NEURL4: variants seen among roughly 807,000 people sequenced by gnomAD.
The protein encoded by NEURL4 is neuralized-like protein 4.
NEURL4 carries 45 observed loss-of-function variants against 148.0 expected under a neutral mutation model. That is an observed-to-expected ratio of 0.30 (90% CI 0.24 to 0.39). NEURL4 has a LOEUF of 0.39. Ranked by LOEUF, NEURL4 falls within the 10% of genes least tolerant of loss-of-function variation. The probability of loss-of-function intolerance (pLI) is 1.00; values close to 1 mark genes in which losing one functional copy is unlikely to be tolerated. For synonymous variants in NEURL4, 854 were observed against 869.0 expected, an observed-to-expected ratio of 0.98 and a Z score of 0.30; for missense variants, 1,776 against 2,144.0, an observed-to-expected ratio of 0.83 and a Z score of 3.39.
In NEURL4 at chr17:7,327,133, T is replaced by C; in HGVS notation, c.793+32A>G. 1 of 1,608,666 alleles carries C rather than the reference T, an allele frequency of 6.2e-7. No individual in the cohort carries two copies. The stretch of plus-strand genomic sequence containing the variant: ...CTCCCTTGTCCACCTCACTTCCCAC[T>C]CCCCTTCCCAGGGCCTCCCCAAAGC... On this transcript the variant is annotated intron_variant, in intron 3 of 28. Coordinates refer to ENST00000399464, the MANE Select transcript of NEURL4 (RefSeq NM_032442.3). The surrounding 1 kb of genome is among the most constrained non-coding windows in gnomAD (Gnocchi z 6.6).
intron 14 of NEURL4, 112 bp from the exon 15 acceptor site, chr17:7,323,235 C>T: frequency 8.2e-7 from 1 of 1,223,528 alleles, no homozygotes; most frequent in Non-Finnish European, 1.2e-6. Context: ...GTGTCTTGAT[C>T]TGGGTGTAAG....
chr17:7,326,145 C>T lies in NEURL4; in HGVS notation c.1293+110G>A. 2.0e-6 allele frequency: 2 copies of T among 1,003,942 alleles called. No individual in the cohort carries two copies. Among genetic ancestry groups the T allele is most frequent in the East Asian group, 2.6e-5 (1 of 38,366 alleles). 62.2% of individuals were successfully genotyped at this position (1,003,942 alleles called of 1,614,324 possible). A position where few individuals can be genotyped will look rare whatever the true frequency, so the allele number is the denominator to read the frequency against. ...GGAAGGAACCTTTAGGTGGAAGATA[C>T]AGGGACTGCCTCTAGGTCACATAGG... On this transcript the variant is annotated intron_variant, in intron 6 of 28. Coordinates refer to ENST00000399464, the MANE Select transcript of NEURL4 (RefSeq NM_032442.3). The surrounding 1 kb of genome is among the most constrained non-coding windows in gnomAD (Gnocchi z 6.0).
rs145900596 is a variant in NEURL4 at position 7,321,200 on chromosome 17, T to C, written c.3272A>G (p.Glu1091Gly). Residue 1091 changes from glutamate (E) to glycine (G), a missense_variant, in exon 20 of 29, where the codon GAG (glutamate) becomes GGG (glycine). By Grantham distance (98) the Glu-to-Gly change is moderately conservative. Transcript: ENST00000399464. The surrounding 1 kb of genome is among the most constrained non-coding windows in gnomAD (Gnocchi z 6.3). ...GGAAGGAGGCTGGGTGCCTTCTGAC[T>C]CCTCCAGTCTCGTGGAACTGACAAT... Reference protein sequence around the residue: ...VSIVSSTRLEESEGTQPPSPS... With the variant: ...VSIVSSTRLEGSEGTQPPSPS... The C allele has an allele frequency of 3.1e-6, 5 of 1,613,646 alleles. No individual in the cohort carries two copies. Among genetic ancestry groups the C allele is most frequent in the Non-Finnish European group, 4.2e-6 (5 of 1,179,998 alleles).
Position 7,324,270 on chromosome 17 carries a change from C to T in NEURL4, c.1900G>A (p.Ala634Thr). ...CGTACCACGCCCACCGTGTCCCCTG[C>T]CTTGGAAGAAGGGGGTGCTGGAGTG... Reference protein sequence around the residue: ...EYGHNLDRLKAGDTVGVVRRE... With the variant: ...EYGHNLDRLKTGDTVGVVRRE... The change falls in exon 11 of 29, where the codon GCA (alanine) becomes ACA (threonine). Residue 634 changes from alanine (A) to threonine (T), a missense_variant and splice_region_variant. Physicochemically the swap from Ala to Thr is moderately conservative, Grantham distance 58. Transcript: ENST00000399464. This position sits in a 1 kb window ranked among gnomAD's most constrained non-coding sequence, Gnocchi z 5.9. 1 of 1,613,886 alleles carries T rather than the reference C, an allele frequency of 6.2e-7. No homozygotes were observed. Among genetic ancestry groups the T allele is most frequent in the Non-Finnish European group, 8.5e-7 (1 of 1,179,894 alleles).
At position 7,327,401 on chromosome 17, in the gene NEURL4, G is replaced by T; in HGVS notation, c.727+39C>A. The T allele has an allele frequency of 6.7e-7, 1 of 1,501,552 alleles. No homozygotes were observed. 93.0% of individuals were successfully genotyped at this position (1,501,552 alleles called of 1,614,324 possible). Reference sequence around the variant, plus strand: ...CTTGTCACTCTATTTCCCCCATTCCGTCCCCACCCCACCACCACTGCCCTA... The same window carrying T: ...CTTGTCACTCTATTTCCCCCATTCCTTCCCCACCCCACCACCACTGCCCTA... On this transcript the variant is annotated intron_variant, in intron 2 of 28. Transcript: ENST00000399464. The surrounding 1 kb of genome is among the most constrained non-coding windows in gnomAD (Gnocchi z 6.6).
Position 7,321,536 on chromosome 17 carries a change from T to G in NEURL4, c.3099+24A>C. 6.2e-7 allele frequency: 1 copy of G among 1,613,138 alleles called. No individual in the cohort carries two copies. Among genetic ancestry groups the G allele is most frequent in the Non-Finnish European group, 8.5e-7 (1 of 1,179,342 alleles). The stretch of plus-strand genomic sequence containing the variant: ...CCACCTCCACTCCCAACCCCTCCCC[T>G]GTCCCTGGAGCCAGCCACTTCACCC... On this transcript the variant is annotated intron_variant, in intron 18 of 28. Coordinates refer to ENST00000399464, the MANE Select transcript of NEURL4 (RefSeq NM_032442.3). This position sits in a 1 kb window ranked among gnomAD's most constrained non-coding sequence, Gnocchi z 6.3.
Position 7,324,942 on chromosome 17 carries a change from C to T in NEURL4, c.1670G>A (p.Ser557Asn), listed in dbSNP as rs1192979602. The T allele has an allele frequency of 4.3e-6, 7 of 1,614,208 alleles. No homozygotes were observed. In the South Asian group the frequency reaches 4.4e-5, roughly 10 times the overall value. The change falls in exon 9 of 29, where the codon AGC becomes AAC. Residue 557 changes from serine to asparagine, a missense_variant. Ser to Asn is a conservative substitution (Grantham distance 46). Transcript: ENST00000399464. The surrounding 1 kb of genome is among the most constrained non-coding windows in gnomAD (Gnocchi z 5.9). ...DDFNHGVVLS[S>N]RALRDGEVFQ... Reference sequence around the variant, plus strand: ...CACCTCTCCATCCCGCAGGGCTCTGCTGCTCAGCACCACGCCGTGATTGAA... The same window carrying T: ...CACCTCTCCATCCCGCAGGGCTCTGTTGCTCAGCACCACGCCGTGATTGAA...
At position 7,318,653 on chromosome 17, in the gene NEURL4, T is replaced by G. The variant is rs374635885; in HGVS notation, c.3706A>C (p.Asn1236His). ...GTGCCTTCAGGGCACGTGTCCAGAT[T>G]GGGCCCAAACTTCTCGCAGATCTGG... ...GLKICEKFGPNLDTCPEGTIL... is the reference protein window; with the variant it reads ...GLKICEKFGPHLDTCPEGTIL... The change falls in exon 23 of 29, where the codon AAT (asparagine) becomes CAT (histidine). Residue 1236 changes from asparagine (N) to histidine (H), a missense_variant. Asn to His is a moderately conservative substitution (Grantham distance 68). Transcript: ENST00000399464. This position sits in a 1 kb window ranked among gnomAD's most constrained non-coding sequence, Gnocchi z 4.3. 1 of 1,610,882 alleles carries G rather than the reference T, an allele frequency of 6.2e-7. No homozygotes were observed.
Position 7,318,559 on chromosome 17 carries a change from A to T in NEURL4, c.3800T>A (p.Val1267Glu). 6.2e-7 allele frequency: 1 copy of T among 1,613,390 alleles called. No individual in the cohort carries two copies. Among genetic ancestry groups the T allele is most frequent in the Non-Finnish European group, 8.5e-7 (1 of 1,179,766 alleles). The change falls in exon 23 of 29, where the codon GTA becomes GAA. Residue 1267 changes from valine (V) to glutamate (E), a missense_variant. Physicochemically the swap from Val to Glu is moderately radical, Grantham distance 121. Coordinates refer to ENST00000399464, the MANE Select transcript of NEURL4 (RefSeq NM_032442.3). The surrounding 1 kb of genome is among the most constrained non-coding windows in gnomAD (Gnocchi z 4.3). ...GGGCTGGGGCACATCTGGCACAGCT[A>T]CCCCCTGGTCCACCCCATTAACATG... ...HLHVNGVDQG[V>E]AVPDVPQPCH...
rs776071148 is a variant in NEURL4 at position 7,323,988 on chromosome 17, A to G, written c.2087T>C (p.Leu696Pro). ...AGACACCTGGTTGTTCCCCTCAGGG[A>G]GTGGTTCAGGAACTGGAGCCACCTC... ...DVEVAPVPEP[L>P]PEGNNQVSPS... Residue 696 changes from leucine to proline, a missense_variant, in exon 12 of 29, where the codon CTC (leucine) becomes CCC (proline). Transcript: ENST00000399464. 23 of 1,610,740 alleles carry G rather than the reference A, an allele frequency of 1.4e-5. No homozygotes were observed. In the East Asian group the frequency reaches 2.7e-4, roughly 19 times the overall value.
Position 7,322,082 on chromosome 17 carries a change from C to T in NEURL4, c.2726-72G>A, listed in dbSNP as rs2073041915. 2 of 1,503,506 alleles carry T rather than the reference C, an allele frequency of 1.3e-6. No homozygotes were observed. The highest frequency in any genetic ancestry group is 2.8e-5 in the African/African-American group (2 of 71,850). The allele number at this position is 1,503,506 out of a possible 1,614,324, so 93.1% of individuals were successfully genotyped here. On this transcript the variant is annotated intron_variant, in intron 16 of 28. Transcript: ENST00000399464. The surrounding 1 kb of genome is among the most constrained non-coding windows in gnomAD (Gnocchi z 5.5). ...GCTTCAGGCAGAACACAGAGCAAAGCTTTCAGATGAAACGAAATGGGGATG... is the reference window on the plus strand; with the variant it reads ...GCTTCAGGCAGAACACAGAGCAAAGTTTTCAGATGAAACGAAATGGGGATG...
chr17:7,323,309 AAGG>A (rs1318027926), intron 14 of NEURL4, among the ~76,000 whole-genome samples, 173 bp downstream of exon 14: 1 of 152,182 alleles, frequency 6.6e-6, no homozygotes, highest in Non-Finnish European at 1.5e-5. Flanking sequence ...GCCTAAGATG[AAGG>A]AGGACTGAGC....
At position 7,324,460 on chromosome 17, in the gene NEURL4, T is replaced by C. The variant is rs775589062; in HGVS notation, c.1834A>G (p.Asn612Asp). The change falls in exon 10 of 29, where the codon AAT becomes GAT. Residue 612 changes from asparagine to aspartate, a missense_variant. Transcript: ENST00000399464. The surrounding 1 kb of genome is among the most constrained non-coding windows in gnomAD (Gnocchi z 5.9). Reference sequence around the variant, plus strand: ...GTCGTCCCATTGTGCATCACCCCATTCCCAGTCATCATCCAGGTCCCTGGG... The same window carrying C: ...GTCGTCCCATTGTGCATCACCCCATCCCCAGTCATCATCCAGGTCCCTGGG... ...LRSGTWMMTG[N>D]GVMHNGTTIL... 6.2e-7 allele frequency: 1 copy of C among 1,614,014 alleles called. No homozygotes were observed. The highest frequency in any genetic ancestry group is 1.1e-5 in the South Asian group (1 of 91,072).
Position 7,321,956 on chromosome 17 carries a change from T to C in NEURL4, c.2780A>G (p.Glu927Gly). The change falls in exon 17 of 29, where the codon GAG (glutamate) becomes GGG (glycine). Residue 927 changes from glutamate (E) to glycine (G), a missense_variant. Physicochemically the swap from Glu to Gly is moderately conservative, Grantham distance 98. Coordinates refer to ENST00000399464, the MANE Select transcript of NEURL4 (RefSeq NM_032442.3). This position sits in a 1 kb window ranked among gnomAD's most constrained non-coding sequence, Gnocchi z 6.3. ...HSTCGKNVTL[E>G]EDGTRAVRAA... ...ACGCACTGCCCTCGTGCCATCCTCC[T>C]CTAGAGTGACGTTCTTGCCGCAAGT... The C allele has an allele frequency of 6.2e-7, 1 of 1,613,500 alleles. No homozygotes were observed. Among genetic ancestry groups the C allele is most frequent in the African/African-American group, 1.3e-5 (1 of 74,982 alleles).
chr17:7,319,241 C>A, intron 21 of NEURL4, 33 bp from the exon 22 acceptor site: 1 of 1,576,156 alleles, frequency 6.3e-7, no homozygotes, highest in Non-Finnish European at 8.6e-7. Context: ...ATAATCACAG[C>A]CTCCTGGGAA....
Position 7,317,337 on chromosome 17 carries a change from T to C in NEURL4, c.4352A>G (p.Lys1451Arg). The C allele has an allele frequency of 6.5e-7, 1 of 1,549,838 alleles. No homozygotes were observed. Among genetic ancestry groups the C allele is most frequent in the Non-Finnish European group, 8.7e-7 (1 of 1,146,632 alleles). ...CTCGAACCCTACCCCAGGTTCTCCC[T>C]TCAAAGGACGGCAGCTCAGGATGGA... ...TASILSCRPL[K>R]GEPGVGFEEP... The change falls in exon 28 of 29, where the codon AAG becomes AGG. Residue 1451 changes from lysine (K) to arginine (R), a missense_variant. By Grantham distance (26) the Lys-to-Arg change is conservative. Coordinates refer to ENST00000399464, the MANE Select transcript of NEURL4 (RefSeq NM_032442.3).
chr17:7,326,981 C>T lies in NEURL4; in HGVS notation c.822G>A (p.Val274=), dbSNP rs781340942. 1.2e-6 allele frequency: 2 copies of T among 1,612,182 alleles called. No individual in the cohort carries two copies. The highest frequency in any genetic ancestry group is 2.7e-5 in the African/African-American group (2 of 74,904). Residue 274 remains valine (V), a synonymous_variant, in exon 4 of 29, where the codon GTG becomes GTA. Transcript: ENST00000399464. The surrounding 1 kb of genome is among the most constrained non-coding windows in gnomAD (Gnocchi z 6.0). ...AGGCAGACAGGATGGTGTTGCTCAC[C>T]ACCTCAGACAGCTCCATGTTGGCAA... is the stretch of plus-strand genomic sequence containing the variant. The part of the protein sequence containing the change: ...NDFANMELSE[V]VSNTILSAYN...
At position 7,317,480 on chromosome 17, in the gene NEURL4, G is replaced by C. The variant is rs1487888354; in HGVS notation, c.4299C>G (p.Asp1433Glu). 6.2e-7 allele frequency: 1 copy of C among 1,613,978 alleles called. No homozygotes were observed. The highest frequency in any genetic ancestry group is 8.5e-7 in the Non-Finnish European group (1 of 1,180,000). ...CAGTACCTGCTCCCAGCTCCCCTCG[G>C]TCCAGCACTCTCCGTACAGCGGCAA... is the stretch of plus-strand genomic sequence containing the variant. Reference protein sequence around the residue: ...SNVAAVRRVLDRGELGAGTAS... With the variant: ...SNVAAVRRVLERGELGAGTAS... The change falls in exon 27 of 29, where the codon GAC becomes GAG. Residue 1433 changes from aspartate (D) to glutamate (E), a missense_variant. Asp to Glu is a conservative substitution (Grantham distance 45, BLOSUM62 2). Coordinates refer to ENST00000399464, the MANE Select transcript of NEURL4 (RefSeq NM_032442.3).
In NEURL4 at chr17:7,326,963, C is replaced by A; in HGVS notation, c.840G>T (p.Leu280=). 2.5e-6 allele frequency: 4 copies of A among 1,613,328 alleles called. No individual in the cohort carries two copies. Among genetic ancestry groups the A allele is most frequent in the Non-Finnish European group, 1.7e-6 (2 of 1,180,004 alleles). Residue 280 remains leucine (L), a synonymous_variant, in exon 4 of 29, where the codon CTG becomes CTT. Transcript: ENST00000399464. This position sits in a 1 kb window ranked among gnomAD's most constrained non-coding sequence, Gnocchi z 6.0. ...TCAGGAGCCCTCCATTGTAGGCAGA[C>A]AGGATGGTGTTGCTCACCACCTCAG... is the stretch of plus-strand genomic sequence containing the variant. ...ELSEVVSNTI[L]SAYNGGLLNV...
Sources: allele counts gnomAD v4.1 joint callset (sites outside exome capture counted in the v4.1 genomes callset), GRCh38; gene constraint gnomAD v4.1.1; non-coding constraint Gnocchi (gnomAD v3.1); transcripts MANE v1.5; gene names NCBI Gene and HGNC (gene_info 2026-07-23, HGNC 2026-07-21).